ATP11C: variants seen among roughly 807,000 people sequenced by gnomAD.
The protein encoded by ATP11C is ATPase phospholipid transporting 11C (ATP11C blood group), also known as phospholipid-transporting ATPase IG.
Under a neutral mutation model 97.4 loss-of-function variants are expected in ATP11C, and 36 were observed. The ratio of observed to expected loss-of-function variants is 0.37; its 90% CI spans 0.28 to 0.49. The LOEUF (loss-of-function observed/expected upper bound fraction) is 0.49, where lower values mean the gene tolerates loss of function less well. Among genes scored for constraint, ATP11C ranks in the 20% least tolerant of loss-of-function variants. The pLI, the probability that ATP11C is intolerant of heterozygous loss-of-function variation, is 0.98. For missense variants in ATP11C, 730 were observed against 824.6 expected, an observed-to-expected ratio of 0.89 and a Z score of 1.40; for synonymous variants, 275 against 290.9, an observed-to-expected ratio of 0.95 and a Z score of 0.56.
chrX:139,831,426 GA>G (rs780974728), intron 1 of ATP11C, among the ~76,000 whole-genome samples: 2 of 111,085 alleles, frequency 1.8e-5, no homozygotes, highest in South Asian at 7.6e-4. Context: ...CAACACTTAA[GA>G]AAAAGACTGA....
intron 1 of ATP11C, among the ~76,000 whole-genome samples, chrX:139,856,215 G>C (rs746448551): frequency 8.9e-6 from 1 of 112,415 alleles, no homozygotes; most frequent in African/African-American, 3.2e-5. Flanking sequence ...TCTTTTCCAG[G>C]ATTCTACAGC....
At position 139,797,230 on chromosome X, in the gene ATP11C, G is replaced by A. The variant is rs2082820728; in HGVS notation, c.954C>T (p.Tyr318=). The change falls in exon 11 of 30, where the codon TAC becomes TAT. Residue 318 remains tyrosine, a synonymous_variant. Coordinates refer to ENST00000682941, the MANE Select transcript of ATP11C (RefSeq NM_001353812.2). ...TLKYVWQSTP[Y]NDEPWYNQKT... ...TTTGGTTATACCAAGGTTCATCATT[G>A]TATGGGGTACTTTGCCAAACATACT... The A allele has an allele frequency of 8.3e-7, 1 of 1,202,920 alleles. No homozygotes were observed. The highest frequency in any genetic ancestry group is 1.8e-5 in the African/African-American group (1 of 56,980).
chrX:139,872,692 C>A (rs1001410875), intron 1 of ATP11C, among the ~76,000 whole-genome samples: 1 of 111,153 alleles, frequency 9.0e-6, no homozygotes, highest in Non-Finnish European at 1.9e-5. Flanking sequence ...ATATTAGTAA[C>A]CTGTAGGCAA....
At chrX:139,730,793 T>C (rs945204021) in intron 29 of ATP11C, among the ~76,000 whole-genome samples, 1 of 110,365 alleles carries the variant, frequency 9.1e-6, no homozygotes, top group African/African-American at 3.3e-5. Context: ...TAAATTCCTA[T>C]GGATGGATAA....
intron 9 of ATP11C, 105 bp from the exon 10 acceptor site, chrX:139,798,459 C>A: frequency 1.7e-6 from 1 of 575,575 alleles, no homozygotes; most frequent in Non-Finnish European, 2.8e-6. Flanking sequence ...AATCTAGGCC[C>A]TCTTCCACTC....
intron 23 of ATP11C, among the ~76,000 whole-genome samples, chrX:139,753,509 TC>T (rs937379227): frequency 5.4e-5 from 6 of 111,533 alleles, no homozygotes; most frequent in Non-Finnish European, 1.1e-4. Context: ...AACACCCGCA[TC>T]AAAAAGTTAA....
intron 5 of ATP11C, among the ~76,000 whole-genome samples, chrX:139,808,446 G>A (rs1311688238): frequency 9.0e-6 from 1 of 111,521 alleles, no homozygotes; most frequent in East Asian, 2.8e-4. Flanking sequence ...TCAAACTGCT[G>A]AAAACTGAAA....
chrX:139,734,993 T>C (rs1376477799), intron 28 of ATP11C, among the ~76,000 whole-genome samples: 1 of 111,395 alleles, frequency 9.0e-6, no homozygotes, highest in Non-Finnish European at 1.9e-5. Context: ...AATAGCTCAA[T>C]TGTGTTAAAA....
At chrX:139,770,238 A>C (rs1267164784) in intron 19 of ATP11C, among the ~76,000 whole-genome samples, 1 of 112,184 alleles carries the variant, frequency 8.9e-6, no homozygotes, top group Non-Finnish European at 1.9e-5. Flanking sequence ...AGATTGATAG[A>C]AGCATACATG....
intron 1 of ATP11C, among the ~76,000 whole-genome samples, chrX:139,904,937 G>A (rs1169210379): frequency 8.9e-6 from 1 of 111,927 alleles, no homozygotes; most frequent in African/African-American, 3.3e-5. Context: ...AGCTACTAGG[G>A]ATTCTTAGCT....
intron 22 of ATP11C, among the ~76,000 whole-genome samples, chrX:139,761,293 AAGGTGAAT>A (rs975764037): frequency 9.0e-6 from 1 of 111,512 alleles, no homozygotes; most frequent in Non-Finnish European, 1.9e-5. Flanking sequence ...TCTTTAAAAA[AAGGTGAAT>A]TTTGTTAAAT....
At chrX:139,755,317 G>A (rs765962229) in intron 23 of ATP11C, among the ~76,000 whole-genome samples, 107 of 111,717 alleles carry the variant, frequency 9.6e-4, no homozygotes, top group Non-Finnish European at 1.8e-3. Context: ...GCAAAACACT[G>A]CTCAAAGAAA....
chrX:139,741,000 C>T lies in ATP11C; in HGVS notation c.3125G>A (p.Gly1042Glu). The change falls in exon 27 of 30, where the codon GGA becomes GAA. Residue 1042 changes from glycine to glutamate, a missense_variant. Coordinates refer to ENST00000682941, the MANE Select transcript of ATP11C (RefSeq NM_001353812.2). Reference sequence around the variant, plus strand: ...ATGTACAATTGCTTACCAAATAATTCCTCCCCAGAAGAATGAGAAAAATAC... The same window carrying T: ...ATGTACAATTGCTTACCAAATAATTTCTCCCCAGAAGAATGAGAAAAATAC... ...FYVFFSFFWGGIIWPFLKQQR... is the reference protein window; with the variant it reads ...FYVFFSFFWGEIIWPFLKQQR... The T allele has an allele frequency of 1.7e-6, 2 of 1,183,355 alleles. No individual in the cohort carries two copies. Among genetic ancestry groups the T allele is most frequent in the Non-Finnish European group, 2.3e-6 (2 of 870,536 alleles).
intron 1 of ATP11C, among the ~76,000 whole-genome samples, chrX:139,900,158 C>T (rs903033478): frequency 9.0e-6 from 1 of 110,774 alleles, no homozygotes; most frequent in South Asian, 3.8e-4. Context: ...ATCACGAAGT[C>T]GAGAGATCGA....
chrX:139,919,121 T>C (rs769767439), intron 1 of ATP11C, among the ~76,000 whole-genome samples: 334 of 110,498 alleles, frequency 3.0e-3, no homozygotes, highest in Non-Finnish European at 5.2e-3. Flanking sequence ...CGTGTGCCTG[T>C]AATTCCAGCT....
chrX:139,831,193 T>TG lies in ATP11C; in HGVS notation c.28-4371dup, dbSNP rs753164479. Among the ~76,000 whole-genome samples, 7 of 111,714 alleles carry TG rather than the reference T, an allele frequency of 6.3e-5. No homozygotes were observed. The South Asian group carries it at 2.3e-3, about 36-fold the overall frequency. ...GCCAAAGGAAGTGAAGCAAGACTGA[T>TG]GGGGCATTTTGTGTTGTTCTGCCTT... On this transcript the variant is annotated intron_variant, in intron 1 of 29. Transcript: ENST00000682941.
At chrX:139,751,181 C>T (rs985555307) in intron 23 of ATP11C, among the ~76,000 whole-genome samples, 1 of 111,769 alleles carries the variant, frequency 8.9e-6, no homozygotes, top group Admixed American at 9.5e-5. Context: ...GAACATTTAC[C>T]GAGTGCCTAC....
intron 24 of ATP11C, among the ~76,000 whole-genome samples, chrX:139,746,511 T>C (rs1262382408): frequency 8.9e-6 from 1 of 112,125 alleles, no homozygotes; most frequent in Non-Finnish European, 1.9e-5. Flanking sequence ...CTTCAGAGCA[T>C]ATGCTCTCAA....
chrX:139,751,785 T>TAA (rs748838014), intron 23 of ATP11C, among the ~76,000 whole-genome samples: 1 of 99,089 alleles, frequency 1.0e-5, no homozygotes, highest in African/African-American at 3.7e-5. Context: ...TCCTTTTCAT[T>TAA]AAAAAAAAAA....
Sources: gnomAD v4.1 joint callset for allele counts (sites outside exome capture counted in the v4.1 genomes callset) on GRCh38, gnomAD v4.1.1 for gene constraint, MANE v1.5 for transcripts, NCBI Gene and HGNC (gene_info 2026-07-23, HGNC 2026-07-21) for gene names.